Variants in PRRX2 observed in about 807,000 individuals in gnomAD.
PRRX2 encodes paired related homeobox 2, also known as paired mesoderm homeobox protein 2.
PRRX2 carries 11 observed loss-of-function variants against 18.0 expected under a neutral mutation model. The observed-to-expected ratio is 0.61, with a 90% CI of 0.39 to 1.01. The LOEUF (loss-of-function observed/expected upper bound fraction) is 1.01. Among genes scored for constraint, PRRX2 ranks in the 50% least tolerant of loss-of-function variants. The pLI is 0.01. For missense variants in PRRX2, 387 were observed against 351.0 expected (o/e 1.10, Z -0.82); for synonymous variants, 177 against 154.8 (o/e 1.14, Z -1.06).
rs1000281094 is a variant in PRRX2, at chr9:129,671,136, G to T, written c.259+5010G>T. On this transcript the variant is annotated intron_variant, in intron 1 of 3. Coordinates refer to ENST00000372469, the MANE Select transcript of PRRX2 (RefSeq NM_016307.4). The surrounding 1 kb of genome is among the most constrained non-coding windows in gnomAD (Gnocchi z 4.0). ...TGATGGGCGTGTCTCCCTGGGATGT[G>T]GGGTCTCTGAGCCTGGGTCTGAGCT... is the stretch of plus-strand genomic sequence containing the variant. Among the ~76,000 whole-genome samples, 2 of 152,318 alleles carry T rather than the reference G, an allele frequency of 1.3e-5. No homozygotes were observed. Among genetic ancestry groups the T allele is most frequent in the South Asian group, 2.1e-4 (1 of 4,828 alleles).
At chr9:129,708,316 G>T (rs1832580967) in intron 1 of PRRX2, among the ~76,000 whole-genome samples, 1 of 152,148 alleles carries the variant, frequency 6.6e-6, no homozygotes, top group South Asian at 2.1e-4. Context: ...GCTTAAACAG[G>T]CCTGAGCCAC....
At chr9:129,719,129 G>A (rs935383203) in intron 1 of PRRX2, 102 bp from the exon 2 acceptor site, 3 of 1,139,686 alleles carry the variant, frequency 2.6e-6, no homozygotes, top group Non-Finnish European at 3.6e-6. Context: ...ATTCCTGGCG[G>A]CGGCACTAAA....
At position 129,671,022 on chromosome 9, in the gene PRRX2, T is replaced by TC. The variant is rs560335767; in HGVS notation, c.259+4897dup. 2.8e-3 allele frequency among the ~76,000 whole-genome samples: 425 copies of TC among 152,316 alleles called. 3 individuals are homozygous for TC. The highest frequency in any genetic ancestry group is 9.9e-3 in the African/African-American group (410 of 41,562). ...GGGTGTCATGTCACCTCTCTGTGCC[T>TC]CGTTCACCACCTGAACAGTGGGAGA... On this transcript the variant is annotated intron_variant, in intron 1 of 3. Transcript: ENST00000372469. This position sits in a 1 kb window ranked among gnomAD's most constrained non-coding sequence, Gnocchi z 4.0.
chr9:129,691,852 A>G (rs1220337778), intron 1 of PRRX2, among the ~76,000 whole-genome samples: 1 of 151,408 alleles, frequency 6.6e-6, no homozygotes, highest in African/African-American at 2.4e-5. Flanking sequence ...CTAATTAAAA[A>G]AATTTTTTTT....
chr9:129,710,354 A>T (rs775218247), intron 1 of PRRX2, among the ~76,000 whole-genome samples: 13 of 152,248 alleles, frequency 8.5e-5, no homozygotes, highest in Non-Finnish European at 1.6e-4. Flanking sequence ...TGTGCCTTGT[A>T]ACTGGCACCA....
At chr9:129,697,771 C>A (rs1832445760) in intron 1 of PRRX2, among the ~76,000 whole-genome samples, 1 of 152,058 alleles carries the variant, frequency 6.6e-6, no homozygotes, top group South Asian at 2.1e-4. Context: ...AGAAACCTGC[C>A]CCCCTGCTAG....
intron 1 of PRRX2, among the ~76,000 whole-genome samples, chr9:129,693,303 A>T (rs1832383214): frequency 6.6e-6 from 1 of 152,066 alleles, no homozygotes; most frequent in African/African-American, 2.4e-5. Flanking sequence ...AAAAAAATAG[A>T]TTGTTCTCAG....
intron 1 of PRRX2, among the ~76,000 whole-genome samples, chr9:129,698,036 G>C (rs1450215812): frequency 6.6e-6 from 1 of 151,922 alleles, no homozygotes; most frequent in African/African-American, 2.4e-5. Context: ...CATTGAGGCC[G>C]GTCCCAGCTC....
rs1171547761 is a variant in PRRX2, at chr9:129,709,360, G to C, written c.260-9871G>C. Among the ~76,000 whole-genome samples, 1 of 152,210 alleles carries C rather than the reference G, an allele frequency of 6.6e-6. No homozygotes were observed. The highest frequency in any genetic ancestry group is 1.5e-5 in the Non-Finnish European group (1 of 68,036). On this transcript the variant is annotated intron_variant, in intron 1 of 3. Transcript: ENST00000372469. This position sits in a 1 kb window ranked among gnomAD's most constrained non-coding sequence, Gnocchi z 4.2. ...AACTGCCTCCAAGCAGGGCTCTGCTGAGGTTTGTGGGGGACATGAGGGAAC... is the reference window on the plus strand; with the variant it reads ...AACTGCCTCCAAGCAGGGCTCTGCTCAGGTTTGTGGGGGACATGAGGGAAC...
At chr9:129,712,089 C>T (rs1021594965) in intron 1 of PRRX2, among the ~76,000 whole-genome samples, 2 of 152,178 alleles carry the variant, frequency 1.3e-5, no homozygotes, top group African/African-American at 4.8e-5. Context: ...AAATATTTCT[C>T]CAGCTCCGAG....
chr9:129,711,701 G>A (rs562488827), intron 1 of PRRX2, among the ~76,000 whole-genome samples: 12 of 152,138 alleles, frequency 7.9e-5, no homozygotes, highest in East Asian at 7.7e-4. Context: ...GAGCCACGGC[G>A]CCCGGCCTCA....
rs762929485 is a variant in PRRX2 at position 129,715,750 on chromosome 9, T to TCTCTCTCTCTCTCTCTCACACACACACA, written c.260-3480_260-3479insTCTCTCTCTCTCTCTCACACACACACAC. On this transcript the variant is annotated intron_variant, in intron 1 of 3. Coordinates refer to ENST00000372469, the MANE Select transcript of PRRX2 (RefSeq NM_016307.4). The surrounding 1 kb of genome is among the most constrained non-coding windows in gnomAD (Gnocchi z 4.0). ...AAACCCAGCTTCAGGGACATCTTTCTCACACACACACACACACACACACAC... is the reference window on the plus strand; with the variant it reads ...AAACCCAGCTTCAGGGACATCTTTCTCTCTCTCTCTCTCTCTCACACACACACACACACACACACACACACACACACAC... Among the ~76,000 whole-genome samples the TCTCTCTCTCTCTCTCTCACACACACACA allele has an allele frequency of 8.6e-5, 12 of 138,950 alleles. No homozygotes were observed. The East Asian group carries it at 2.5e-3, about 29-fold the overall frequency. 91.2% of individuals were successfully genotyped at this position (138,950 alleles called of 152,430 possible). A position where few individuals can be genotyped will look rare whatever the true frequency, so the allele number is the denominator to read the frequency against.
chr9:129,667,140 C>T (rs916435989), intron 1 of PRRX2, among the ~76,000 whole-genome samples: 4 of 152,266 alleles, frequency 2.6e-5, no homozygotes, highest in African/African-American at 9.6e-5. Context: ...TGCGACACGC[C>T]TGCCTTTCAC....
chr9:129,670,872 C>T (rs1248726305), intron 1 of PRRX2, among the ~76,000 whole-genome samples: 3 of 152,218 alleles, frequency 2.0e-5, no homozygotes, highest in Non-Finnish European at 4.4e-5. Flanking sequence ...CCCCTCTCCC[C>T]TTCCTTCCCC....
At chr9:129,702,727 A>T (rs1832512817) in intron 1 of PRRX2, among the ~76,000 whole-genome samples, 1 of 152,202 alleles carries the variant, frequency 6.6e-6, no homozygotes, top group Admixed American at 6.5e-5. Flanking sequence ...TCTACTGCAG[A>T]TTCCCAGCTG....
chr9:129,670,135 A>G (rs1275916291), intron 1 of PRRX2, among the ~76,000 whole-genome samples: 1 of 150,628 alleles, frequency 6.6e-6, no homozygotes, highest in Non-Finnish European at 1.5e-5. Context: ...TGTGACGTCT[A>G]CAGGGCTCAC....
rs952369338 is a variant in PRRX2, at chr9:129,675,452, G to C, written c.259+9326G>C. ...AGTCAAAAGCACCCCTGCTGAGCTG[G>C]AGCCACTGGACAAGCCCCCTCCTGG... On this transcript the variant is annotated intron_variant, in intron 1 of 3. Coordinates refer to ENST00000372469, the MANE Select transcript of PRRX2 (RefSeq NM_016307.4). This position sits in a 1 kb window ranked among gnomAD's most constrained non-coding sequence, Gnocchi z 4.4. Among the ~76,000 whole-genome samples the C allele has an allele frequency of 6.6e-6, 1 of 152,218 alleles. No individual in the cohort carries two copies. Among genetic ancestry groups the C allele is most frequent in the East Asian group, 1.9e-4 (1 of 5,162 alleles).
chr9:129,700,281 C>T (rs1832477097), intron 1 of PRRX2, among the ~76,000 whole-genome samples: 1 of 151,366 alleles, frequency 6.6e-6, no homozygotes, highest in Non-Finnish European at 1.5e-5. Context: ...AGCCTGCCGC[C>T]AGGGTCCAGC....
chr9:129,673,321 G>A (rs908699828), intron 1 of PRRX2, among the ~76,000 whole-genome samples: 3 of 152,094 alleles, frequency 2.0e-5, no homozygotes, highest in African/African-American at 4.8e-5. Flanking sequence ...GCTGGGCATG[G>A]TAGCATGCAC....
Sources: gnomAD v4.1 joint callset for allele counts (sites outside exome capture counted in the v4.1 genomes callset) on GRCh38, gnomAD v4.1.1 for gene constraint, Gnocchi (gnomAD v3.1) non-coding constraint, MANE v1.5 for transcripts, NCBI Gene and HGNC (gene_info 2026-07-23, HGNC 2026-07-21) for gene names.